ABLIM2: variants seen among roughly 807,000 people sequenced by gnomAD.
ABLIM2 encodes actin binding LIM protein family member 2.
ABLIM2 carries 53 observed loss-of-function variants against 97.7 expected under a neutral mutation model. The ratio of observed to expected loss-of-function variants is 0.54; its 90% CI spans 0.44 to 0.68. ABLIM2 has a LOEUF of 0.68. Ranked by LOEUF, ABLIM2 falls within the 30% of genes least tolerant of loss-of-function variation. ABLIM2 has a pLI of 0.00. For missense variants in ABLIM2, 835 were observed against 867.2 expected (o/e 0.96, Z 0.47); for synonymous variants, 361 against 345.8 (o/e 1.04, Z -0.49).
rs1445683620 is a variant in ABLIM2, at chr4:8,046,818, G to A, written c.823-1577C>T. 3.9e-5 allele frequency among the ~76,000 whole-genome samples: 6 copies of A among 152,178 alleles called. No homozygotes were observed. Among genetic ancestry groups the A allele is most frequent in the Non-Finnish European group, 8.8e-5 (6 of 68,034 alleles). On this transcript the variant is annotated intron_variant, in intron 8 of 20. Coordinates refer to ENST00000447017, the MANE Select transcript of ABLIM2 (RefSeq NM_001130083.2). The surrounding 1 kb of genome is among the most constrained non-coding windows in gnomAD (Gnocchi z 4.4). ...AATCTGTTATGCCTGGGGTTTCTAC[G>A]AGCAGGGATCAGGACACAGACACAC... is the stretch of plus-strand genomic sequence containing the variant.
chr4:8,158,676 C>T lies in ABLIM2; in HGVS notation c.10+4G>A, dbSNP rs1449819402. ...CCGTTGGTCCCTCGGTCCCCAGCAC[C>T]CACCTGCACTCATCTCAGCAGCCGC... On this transcript the variant is annotated splice_donor_region_variant and intron_variant, in intron 1 of 20. Transcript: ENST00000447017. 4 of 1,490,122 alleles carry T rather than the reference C, an allele frequency of 2.7e-6. No homozygotes were observed. The highest frequency in any genetic ancestry group is 3.6e-6 in the Non-Finnish European group (4 of 1,124,524). 92.3% of individuals were successfully genotyped at this position (1,490,122 alleles called of 1,614,324 possible).
intron 20 of ABLIM2, among the ~76,000 whole-genome samples, chr4:7,969,591 C>T (rs1725925509): frequency 6.6e-6 from 1 of 152,146 alleles, no homozygotes; most frequent in African/African-American, 2.4e-5. Flanking sequence ...ACAAGAATCA[C>T]CAAATCTGTG....
In ABLIM2 at chr4:8,019,981, G is replaced by A. The variant is rs1329178883; in HGVS notation, c.1369+221C>T. Among the ~76,000 whole-genome samples the A allele has an allele frequency of 2.6e-5, 4 of 152,288 alleles. No individual in the cohort carries two copies. Among genetic ancestry groups the A allele is most frequent in the South Asian group, 4.1e-4 (2 of 4,820 alleles). ...AGGAGGACAGGTGTATCTCCCTGCC[G>A]TTTGTGGGAATTTGGAAGAAACTCA... On this transcript the variant is annotated intron_variant, in intron 13 of 20. Transcript: ENST00000447017. This position sits in a 1 kb window ranked among gnomAD's most constrained non-coding sequence, Gnocchi z 4.3.
intron 17 of ABLIM2, among the ~76,000 whole-genome samples, chr4:7,989,072 CTTTTTTTTTTTTT>C (rs71175445): frequency 3.7e-5 from 3 of 81,330 alleles, no homozygotes; most frequent in Admixed American, 3.3e-4. Context: ...ACACATTAGT[CTTTTTTTTTTTTT>C]TTTTTTTTTT....
At position 8,002,784 on chromosome 4, in the gene ABLIM2, G is replaced by T. The variant is rs892078822; in HGVS notation, c.1618+5275C>A. Reference sequence around the variant, plus strand: ...TGTGACCTGACGCATGGCCCTCACTGTTCTTCCAACCCACGGCCCGGCCTC... The same window carrying T: ...TGTGACCTGACGCATGGCCCTCACTTTTCTTCCAACCCACGGCCCGGCCTC... On this transcript the variant is annotated intron_variant, in intron 16 of 20. Transcript: ENST00000447017. The surrounding 1 kb of genome is among the most constrained non-coding windows in gnomAD (Gnocchi z 6.1). Among the ~76,000 whole-genome samples, 1 of 152,136 alleles carries T rather than the reference G, an allele frequency of 6.6e-6. No individual in the cohort carries two copies. The highest frequency in any genetic ancestry group is 1.5e-5 in the Non-Finnish European group (1 of 68,032).
In ABLIM2 at chr4:8,123,547, T is replaced by TC. The variant is rs1416886445; in HGVS notation, c.11-16911dup. Among the ~76,000 whole-genome samples the TC allele has an allele frequency of 6.6e-6, 1 of 152,106 alleles. No homozygotes were observed. Among genetic ancestry groups the TC allele is most frequent in the East Asian group, 1.9e-4 (1 of 5,188 alleles). The stretch of plus-strand genomic sequence containing the variant: ...TTCCGGCATGTCTAATTAAAACTGG[T>TC]CGTCGGGATGGCTGGCCTGGAGCCC... On this transcript the variant is annotated intron_variant, in intron 1 of 20. Transcript: ENST00000447017. This position sits in a 1 kb window ranked among gnomAD's most constrained non-coding sequence, Gnocchi z 6.2.
intron 20 of ABLIM2, among the ~76,000 whole-genome samples, chr4:7,976,904 T>C (rs1273320234): frequency 1.2e-5 from 1 of 86,446 alleles, no homozygotes; most frequent in Non-Finnish European, 2.5e-5. Context: ...CACACATACA[T>C]GTACACACAC....
intron 1 of ABLIM2, among the ~76,000 whole-genome samples, chr4:8,154,433 C>T (rs1311047701): frequency 1.3e-5 from 2 of 150,536 alleles, no homozygotes; most frequent in Admixed American, 6.6e-5. Context: ...AGGCACCCAC[C>T]ACCACACCCA....
rs765838195 is a variant in ABLIM2 at position 8,125,435 on chromosome 4, G to A, written c.11-18798C>T. On this transcript the variant is annotated intron_variant, in intron 1 of 20. Coordinates refer to ENST00000447017, the MANE Select transcript of ABLIM2 (RefSeq NM_001130083.2). This position sits in a 1 kb window ranked among gnomAD's most constrained non-coding sequence, Gnocchi z 6.2. ...TTTTAATTGTGGATACCCTTGCTTC[G>A]CATGTGAATCGCGATCTGCAGTGCT... 1.5e-4 allele frequency among the ~76,000 whole-genome samples: 23 copies of A among 152,320 alleles called. No homozygotes were observed. Among genetic ancestry groups the A allele is most frequent in the Non-Finnish European group, 3.1e-4 (21 of 68,022 alleles).
chr4:8,052,969 G>T (rs1165381510), intron 8 of ABLIM2, among the ~76,000 whole-genome samples: 1 of 152,226 alleles, frequency 6.6e-6, no homozygotes, highest in Non-Finnish European at 1.5e-5. Context: ...GCAGGATGAG[G>T]ACATGGCCTG....
Position 8,127,958 on chromosome 4 carries a change from A to G in ABLIM2, c.11-21321T>C, listed in dbSNP as rs1235338746. Among the ~76,000 whole-genome samples the G allele has an allele frequency of 6.6e-6, 1 of 152,196 alleles. No individual in the cohort carries two copies. The highest frequency in any genetic ancestry group is 1.5e-5 in the Non-Finnish European group (1 of 68,022). ...CACAGCCCCGCGTGCTGGGAGTGAC[A>G]GCCTGCACCAGGGTTCCCTGAAATG... On this transcript the variant is annotated intron_variant, in intron 1 of 20. Coordinates refer to ENST00000447017, the MANE Select transcript of ABLIM2 (RefSeq NM_001130083.2). The surrounding 1 kb of genome is among the most constrained non-coding windows in gnomAD (Gnocchi z 7.3).
At chr4:8,063,034 G>A (rs17178569) in intron 6 of ABLIM2, among the ~76,000 whole-genome samples, 18,333 of 152,212 alleles carry the variant, frequency 0.12, 1,369 homozygotes, top group Non-Finnish European at 0.17. Context: ...TACATGGCAC[G>A]TCCACATGTG....
chr4:8,084,178 G>C (rs987132241), intron 4 of ABLIM2, among the ~76,000 whole-genome samples: 1 of 152,232 alleles, frequency 6.6e-6, no homozygotes, highest in Non-Finnish European at 1.5e-5. Context: ...CCTGTACTGA[G>C]GAAGAAAAGC....
At chr4:8,064,183 C>T (rs2152193426) in intron 6 of ABLIM2, among the ~76,000 whole-genome samples, 1 of 152,340 alleles carries the variant, frequency 6.6e-6, no homozygotes, top group East Asian at 1.9e-4. Flanking sequence ...ATAAATTTGC[C>T]TTGCTGAGAA....
rs1012221159 is a variant in ABLIM2, at chr4:8,086,615, G to A, written c.454+1554C>T. Among the ~76,000 whole-genome samples, 4 of 152,204 alleles carry A rather than the reference G, an allele frequency of 2.6e-5. No individual in the cohort carries two copies. The South Asian group carries it at 8.3e-4, about 32-fold the overall frequency. On this transcript the variant is annotated intron_variant, in intron 4 of 20. Transcript: ENST00000447017. ...CCGCCCCGGCCTCCCAAAGTGCTGGGATTACAGGCATGAGCCACCACACCC... is the reference window on the plus strand; with the variant it reads ...CCGCCCCGGCCTCCCAAAGTGCTGGAATTACAGGCATGAGCCACCACACCC...
At chr4:8,102,224 G>A (rs1270000642) in intron 2 of ABLIM2, among the ~76,000 whole-genome samples, 14 of 152,138 alleles carry the variant, frequency 9.2e-5, no homozygotes, top group South Asian at 2.1e-4. Flanking sequence ...GCCTGCTTCC[G>A]GGTCTCTGCA....
rs1812407112 is a variant in ABLIM2 at position 8,071,828 on chromosome 4, C to T, written c.675+5800G>A. ...CGGCCCTGCTTGAGTGCCGTGCTCC[C>T]TGGAACGTGTGCCTGCGAGGGTGGA... is the stretch of plus-strand genomic sequence containing the variant. On this transcript the variant is annotated intron_variant, in intron 6 of 20. Coordinates refer to ENST00000447017, the MANE Select transcript of ABLIM2 (RefSeq NM_001130083.2). This position sits in a 1 kb window ranked among gnomAD's most constrained non-coding sequence, Gnocchi z 6.2. 1.0e-6 allele frequency: 1 copy of T among 985,472 alleles called. No individual in the cohort carries two copies. Among genetic ancestry groups the T allele is most frequent in the East Asian group, 1.1e-4 (1 of 8,796 alleles). The allele number at this position is 985,472 out of a possible 1,614,324, so 61.0% of individuals were successfully genotyped here.
chr4:8,131,047 C>T (rs1344986397), intron 1 of ABLIM2, among the ~76,000 whole-genome samples: 1 of 152,216 alleles, frequency 6.6e-6, no homozygotes, highest in Non-Finnish European at 1.5e-5. Flanking sequence ...CCCCACTCTG[C>T]CTCTCTCTTA....
rs892076325 is a variant in ABLIM2 at position 7,970,487 on chromosome 4, G to A, written c.1825-3384C>T. Among the ~76,000 whole-genome samples the A allele has an allele frequency of 4.6e-5, 7 of 152,008 alleles. No individual in the cohort carries two copies. Among genetic ancestry groups the A allele is most frequent in the Non-Finnish European group, 8.8e-5 (6 of 67,996 alleles). On this transcript the variant is annotated intron_variant, in intron 20 of 20. Transcript: ENST00000447017. The surrounding 1 kb of genome is among the most constrained non-coding windows in gnomAD (Gnocchi z 5.3). Reference sequence around the variant, plus strand: ...GAGGAGGGAGGAGTGGAGAGGGAGCGGATGGTGGGCAGGCGTGCCCCGCAT... The same window carrying A: ...GAGGAGGGAGGAGTGGAGAGGGAGCAGATGGTGGGCAGGCGTGCCCCGCAT...
Sources: gnomAD v4.1 joint callset for allele counts (sites outside exome capture counted in the v4.1 genomes callset) on GRCh38, gnomAD v4.1.1 for gene constraint, Gnocchi (gnomAD v3.1) non-coding constraint, MANE v1.5 for transcripts, NCBI Gene and HGNC (gene_info 2026-07-23, HGNC 2026-07-21) for gene names.